KCNT1: variants seen among roughly 807,000 people sequenced by gnomAD.
KCNT1 encodes the protein potassium sodium-activated channel subfamily T member 1.
A neutral mutation model predicts 147.8 loss-of-function variants in KCNT1; 78 were observed. The ratio of observed to expected loss-of-function variants is 0.53; its 90% CI spans 0.44 to 0.64. The LOEUF is 0.64. Ranked by LOEUF, KCNT1 falls within the 30% of genes least tolerant of loss-of-function variation. KCNT1 has a pLI of 0.00. For synonymous variants in KCNT1, 867 were observed against 748.8 expected, an observed-to-expected ratio of 1.16 and a Z score of -2.58; for missense variants, 1,419 against 1,750.3, an observed-to-expected ratio of 0.81 and a Z score of 3.38.
At chr9:135,783,018 G>A (rs2131565368) in intron 24 of KCNT1, among the ~76,000 whole-genome samples, 1 of 152,344 alleles carries the variant, frequency 6.6e-6, no homozygotes, top group Middle Eastern at 3.4e-3. Context: ...TCGAGTTCTG[G>A]TTCCGGGGGG....
intron 1 of KCNT1, among the ~76,000 whole-genome samples, chr9:135,705,765 G>T (rs1385767835): frequency 6.6e-6 from 1 of 152,234 alleles, no homozygotes; most frequent in Admixed American, 6.5e-5. Flanking sequence ...AGGGAGGTGA[G>T]ACCAGTACTA....
intron 24 of KCNT1, among the ~76,000 whole-genome samples, chr9:135,780,952 C>G (rs1471123664): frequency 6.6e-6 from 1 of 152,206 alleles, no homozygotes; most frequent in Non-Finnish European, 1.5e-5. Context: ...TTGCACCTCT[C>G]TGTCCCACAA....
At position 135,765,881 on chromosome 9, in the gene KCNT1, A is replaced by C. The variant is rs62583545; in HGVS notation, c.1337+121A>C. ...AATGAGAGCCATGAGAGCATTATAGACTATCCCCAGGGTGGACCATCTAGG... is the reference window on the plus strand; with the variant it reads ...AATGAGAGCCATGAGAGCATTATAGCCTATCCCCAGGGTGGACCATCTAGG... On this transcript the variant is annotated intron_variant, in intron 13 of 30. Coordinates refer to ENST00000371757, the MANE Select transcript of KCNT1 (RefSeq NM_020822.3). 174,372 of 958,490 alleles carry C rather than the reference A, an allele frequency of 0.18. 17,591 individuals carry two copies. Among genetic ancestry groups the C allele is most frequent in the Middle Eastern group, 0.23 (667 of 2,948 alleles). 59.4% of individuals were successfully genotyped at this position (958,490 alleles called of 1,614,324 possible).
intron 3 of KCNT1, 33 bp from the exon 4 acceptor site, chr9:135,750,909 G>A (rs530984667): frequency 6.2e-7 from 1 of 1,602,138 alleles, no homozygotes; most frequent in Non-Finnish European, 8.5e-7. Context: ...CCAGAGCTGG[G>A]TCAGAGCCCT....
intron 16 of KCNT1, 52 bp downstream of exon 16, chr9:135,770,107 G>A (rs1201467631): frequency 6.7e-7 from 1 of 1,494,380 alleles, no homozygotes; most frequent in Non-Finnish European, 9.1e-7. Context: ...GCCGGCGCAG[G>A]GAGACAACGC....
chr9:135,710,441 C>T (rs1835438685), intron 1 of KCNT1, among the ~76,000 whole-genome samples: 1 of 152,226 alleles, frequency 6.6e-6, no homozygotes, highest in South Asian at 2.1e-4. Context: ...CTCCATTTCT[C>T]CATCAACACA....
At chr9:135,718,218 C>G (rs890056836) in intron 2 of KCNT1, among the ~76,000 whole-genome samples, 1 of 152,154 alleles carries the variant, frequency 6.6e-6, no homozygotes, top group Non-Finnish European at 1.5e-5. Context: ...GACCAGGGGT[C>G]GTCTGCCTGG....
chr9:135,788,312 C>T, intron 29 of KCNT1: 1 of 701,052 alleles, frequency 1.4e-6, no homozygotes, highest in Non-Finnish European at 2.6e-6. Flanking sequence ...CCCTGTTGGG[C>T]AAGGCCTCGC....
At chr9:135,786,626 C>CCTGTCTGTCAT (rs944247405) in intron 29 of KCNT1, 105 bp downstream of exon 29, 1 of 1,078,082 alleles carries the variant, frequency 9.3e-7, no homozygotes. Context: ...GGGCCGTCCT[C>CCTGTCTGTCAT]CTGTCTGTCA....
Position 135,750,992 on chromosome 9 carries a change from C to T in KCNT1, c.385C>T (p.Leu129Phe), listed in dbSNP as rs1402206752. 1.2e-6 allele frequency: 2 copies of T among 1,613,234 alleles called. No homozygotes were observed. Among genetic ancestry groups the T allele is most frequent in the Admixed American group, 1.7e-5 (1 of 60,026 alleles). ...NFSLKLLTCLLYIVRVLLDDP... is the reference protein window; with the variant it reads ...NFSLKLLTCLFYIVRVLLDDP... ...CTCCCTGAAGCTGCTCACCTGCCTG[C>T]TCTACATTGTGCGCGTCCTGCTCGA... Residue 129 changes from leucine (L) to phenylalanine (F), a missense_variant, in exon 4 of 31, where the codon CTC (leucine) becomes TTC (phenylalanine). Around this residue, in one of 5 missense-constraint regions of KCNT1, gnomAD observed 401 missense variants for 610.6 expected, o/e 0.66. Transcript: ENST00000371757.
chr9:135,723,723 A>G (rs1452552971), intron 2 of KCNT1, among the ~76,000 whole-genome samples: 1 of 152,160 alleles, frequency 6.6e-6, no homozygotes, highest in Non-Finnish European at 1.5e-5. Flanking sequence ...GCCGTGTCCC[A>G]GGGACCTTGT....
chr9:135,745,718 C>T (rs745791681), intron 2 of KCNT1, among the ~76,000 whole-genome samples: 8 of 152,258 alleles, frequency 5.3e-5, no homozygotes, highest in Non-Finnish European at 8.8e-5. Context: ...GGTTCCCATT[C>T]CCCAGGGAGG....
intron 1 of KCNT1, among the ~76,000 whole-genome samples, chr9:135,702,705 A>G (rs903969552): frequency 1.3e-5 from 2 of 151,542 alleles, no homozygotes; most frequent in African/African-American, 4.9e-5. Flanking sequence ...AGGGCCTTCC[A>G]TCTCCCCCAG....
chr9:135,756,833 CCGGCCT>C (rs752562754), intron 6 of KCNT1, 34 bp from the exon 7 acceptor site: 3 of 1,585,608 alleles, frequency 1.9e-6, no homozygotes, highest in Middle Eastern at 1.7e-4. Context: ...AGCCCCAGCC[CCGGCCT>C]GCTCCAGAGC....
chr9:135,753,870 C>G, intron 4 of KCNT1, 67 bp from the exon 5 acceptor site: 1 of 1,571,776 alleles, frequency 6.4e-7, no homozygotes, highest in Non-Finnish European at 8.8e-7. Flanking sequence ...TGGAAGCCCT[C>G]GGGCAGCAAG....
In KCNT1 at chr9:135,752,371, T is replaced by C; in HGVS notation, c.434+1330T>C. 1 of 456,436 alleles carries C rather than the reference T, an allele frequency of 2.2e-6. No homozygotes were observed. Among genetic ancestry groups the C allele is most frequent in the Non-Finnish European group, 4.4e-6 (1 of 226,902 alleles). The allele number at this position is 456,436 out of a possible 1,614,324, so 28.3% of individuals were successfully genotyped here. On this transcript the variant is annotated intron_variant, in intron 4 of 30. Transcript: ENST00000371757. This position sits in a 1 kb window ranked among gnomAD's most constrained non-coding sequence, Gnocchi z 5.1. The stretch of plus-strand genomic sequence containing the variant: ...TCTCCTAAGAATGAACCTCCTGTCT[T>C]TGTCTAGGTCAGAAGAGGGCAGAAC...
rs369071647 is a variant in KCNT1 at position 135,759,886 on chromosome 9, G to A, written c.1035+27G>A. On this transcript the variant is annotated intron_variant, in intron 11 of 30. Transcript: ENST00000371757. ...TGGGTCCTCTGGGCACCAGCCCTGG[G>A]TGGCACCAGCAAAGGGACAGGCGGG... 1.9e-5 allele frequency: 30 copies of A among 1,571,314 alleles called. No homozygotes were observed. The African/African-American group carries it at 3.0e-4, about 16-fold the overall frequency.
At chr9:135,788,137 T>C (rs781622931) in intron 29 of KCNT1, 2 of 1,612,992 alleles carry the variant, frequency 1.2e-6, no homozygotes, top group Non-Finnish European at 1.7e-6. Context: ...ATGTCATGAA[T>C]CGGGTAAACC....
chr9:135,779,581 C>T lies in KCNT1; in HGVS notation c.2841+111C>T, dbSNP rs559020864. On this transcript the variant is annotated intron_variant, in intron 24 of 30. Transcript: ENST00000371757. ...CCATGGGAGGCTGGGCTCCTGCCGC[C>T]CTCCTGCTGGGGAACTCAGGAGATG... is the stretch of plus-strand genomic sequence containing the variant. 3.8e-6 allele frequency: 3 copies of T among 796,446 alleles called. No individual in the cohort carries two copies. The Admixed American group carries it at 6.3e-5, about 17-fold the overall frequency. 49.3% of individuals were successfully genotyped at this position (796,446 alleles called of 1,614,324 possible).
Sources: gnomAD v4.1 joint callset for allele counts (sites outside exome capture counted in the v4.1 genomes callset) on GRCh38, gnomAD v4.1.1 for gene constraint, gnomAD v4.1.1 regional missense constraint, Gnocchi (gnomAD v3.1) non-coding constraint, MANE v1.5 for transcripts, NCBI Gene and HGNC (gene_info 2026-07-23, HGNC 2026-07-21) for gene names.